The following PXDN variants were observed in gnomAD, a reference collection of about 807,000 sequenced individuals.
PXDN encodes peroxidasin homolog.
PXDN carries 77 observed loss-of-function variants against 140.3 expected under a neutral mutation model. That is an observed-to-expected ratio of 0.55 (90% CI 0.46 to 0.66). The LOEUF is 0.66. Among genes scored for constraint, PXDN ranks in the 30% least tolerant of loss-of-function variants. The pLI, the probability that PXDN is intolerant of heterozygous loss-of-function variation, is 0.00. For missense variants in PXDN, 1,838 were observed against 2,039.5 expected (o/e 0.90, Z 1.90); for synonymous variants, 911 against 857.4 (o/e 1.06, Z -1.09).
At chr2:1,658,065 T>TTC (rs1683201070) in intron 14 of PXDN, among the ~76,000 whole-genome samples, 2 of 82,366 alleles carry the variant, frequency 2.4e-5, no homozygotes, top group Non-Finnish European at 5.3e-5. Flanking sequence ...TCTCTCTCTC[T>TTC]CTCTCTCTCT....
At chr2:1,717,882 A>C (rs1167142054) in intron 1 of PXDN, among the ~76,000 whole-genome samples, 1 of 148,868 alleles carries the variant, frequency 6.7e-6, no homozygotes, top group Non-Finnish European at 1.5e-5. Flanking sequence ...CTAACCACCT[A>C]CCCAAACCTG....
intron 1 of PXDN, among the ~76,000 whole-genome samples, chr2:1,726,757 A>G (rs1431467803): frequency 6.6e-6 from 1 of 152,082 alleles, no homozygotes. Context: ...GTGCCTTTTC[A>G]TCTTGTTGAT....
Position 1,731,179 on chromosome 2 carries a change from CAT to C in PXDN, c.200+13075_200+13076del, listed in dbSNP as rs1403137942. On this transcript the variant is annotated intron_variant, in intron 1 of 22. Transcript: ENST00000252804. ...ACACACACACACACACACACACACA[CAT>C]GAACTAGTGAGAGGAAGTTTTAAGA... Among the ~76,000 whole-genome samples, 396 of 149,106 alleles carry C rather than the reference CAT, an allele frequency of 2.7e-3. 1 individual carries two copies. Among genetic ancestry groups the C allele is most frequent in the African/African-American group, 8.8e-3 (362 of 40,930 alleles).
chr2:1,693,560 C>T (rs1331857895), intron 1 of PXDN, among the ~76,000 whole-genome samples: 1 of 152,204 alleles, frequency 6.6e-6, no homozygotes, highest in Non-Finnish European at 1.5e-5. Flanking sequence ...TTAGGCTCTT[C>T]CTTAGTCAAC....
At chr2:1,729,219 T>A (rs1271270494) in intron 1 of PXDN, among the ~76,000 whole-genome samples, 1 of 152,122 alleles carries the variant, frequency 6.6e-6, no homozygotes, top group African/African-American at 2.4e-5. Context: ...ATCAAACCAT[T>A]TGCAGAAAAA....
intron 1 of PXDN, among the ~76,000 whole-genome samples, chr2:1,700,022 AT>A (rs925540574): frequency 6.6e-5 from 10 of 152,024 alleles, no homozygotes; most frequent in African/African-American, 1.9e-4. Flanking sequence ...TTCTCAATAT[AT>A]TTTTATTATG....
At position 1,644,630 on chromosome 2, in the gene PXDN, C is replaced by G; in HGVS notation, c.3731G>C (p.Arg1244Pro). 6.2e-7 allele frequency: 1 copy of G among 1,600,408 alleles called. No individual in the cohort carries two copies. The highest frequency in any genetic ancestry group is 8.5e-7 in the Non-Finnish European group (1 of 1,171,426). Residue 1244 changes from arginine (R) to proline (P), a missense_variant, in exon 18 of 23, where the codon CGA becomes CCA. Around this residue, in one of 5 missense-constraint regions of PXDN, gnomAD observed 850 missense variants for 894.1 expected, o/e 0.95. Transcript: ENST00000252804. ...CLLSTQFKRL[R>P]DGDRLWYENP... is the part of the protein sequence containing the mutation. Reference sequence around the variant, plus strand: ...TGCACGTGCTCACCTGTCCCCATCTCGCAGGCGCTTGAACTGTGTGCTGAG... The same window carrying G: ...TGCACGTGCTCACCTGTCCCCATCTGGCAGGCGCTTGAACTGTGTGCTGAG...
chr2:1,731,075 C>T (rs929761772), intron 1 of PXDN, among the ~76,000 whole-genome samples: 4 of 152,124 alleles, frequency 2.6e-5, no homozygotes, highest in African/African-American at 9.7e-5. Context: ...ATATCAACAT[C>T]ACAGACCTCT....
In PXDN at chr2:1,714,127, C is replaced by G. The variant is rs774109580; in HGVS notation, c.201-20993G>C. Among the ~76,000 whole-genome samples the G allele has an allele frequency of 1.3e-5, 2 of 152,232 alleles. No individual in the cohort carries two copies. The highest frequency in any genetic ancestry group is 1.3e-4 in the Admixed American group (2 of 15,284). ...CATCCGTCACCTTTGGTGACTTCCC[C>G]GCCACAACACCCATCCACATCCAGG... On this transcript the variant is annotated intron_variant, in intron 1 of 22. Transcript: ENST00000252804. This position sits in a 1 kb window ranked among gnomAD's most constrained non-coding sequence, Gnocchi z 4.3.
At chr2:1,726,870 G>A (rs1469567729) in intron 1 of PXDN, among the ~76,000 whole-genome samples, 1 of 152,052 alleles carries the variant, frequency 6.6e-6, no homozygotes. Flanking sequence ...TCTTAGCAAA[G>A]ACTTAACATA....
chr2:1,653,072 C>T lies in PXDN; in HGVS notation c.2104+556G>A, dbSNP rs144797148. 5.6e-4 allele frequency: 115 copies of T among 204,848 alleles called. No individual in the cohort carries two copies. The Middle Eastern group carries it at 9.9e-3, about 18-fold the overall frequency. The allele number at this position is 204,848 out of a possible 1,614,324, so 12.7% of individuals were successfully genotyped here. Reference sequence around the variant, plus strand: ...TAGTACTACTACCAGCAAGGACAATCGTGACATGTAAAGGCATCTGTTATT... The same window carrying T: ...TAGTACTACTACCAGCAAGGACAATTGTGACATGTAAAGGCATCTGTTATT... On this transcript the variant is annotated intron_variant, in intron 16 of 22. Coordinates refer to ENST00000252804, the MANE Select transcript of PXDN (RefSeq NM_012293.3).
chr2:1,635,597 T>A, intron 21 of PXDN, 76 bp from the exon 22 acceptor site: 2 of 1,073,946 alleles, frequency 1.9e-6, no homozygotes, highest in Non-Finnish European at 2.8e-6. Flanking sequence ...AAAGATGTTA[T>A]TTCACTGAAA....
chr2:1,720,866 G>A (rs995948077), intron 1 of PXDN, among the ~76,000 whole-genome samples: 9 of 152,112 alleles, frequency 5.9e-5, no homozygotes, highest in African/African-American at 1.9e-4. Context: ...GACCTGGGTG[G>A]GCGCCTGACC....
At chr2:1,644,588 C>G (rs755727983) in intron 18 of PXDN, 30 bp downstream of exon 18, 1 of 1,560,508 alleles carries the variant, frequency 6.4e-7, no homozygotes, top group Non-Finnish European at 8.7e-7. Context: ...GGCTTAGGAG[C>G]GTGCTCCCCT....
At position 1,635,426 on chromosome 2, in the gene PXDN, G is replaced by A; in HGVS notation, c.4302C>T (p.Cys1434=). ...TACTCACTTTGCATTCACAAATGGT[G>A]CATGCATCTTTTTTCCACTTGGTGT... is the stretch of plus-strand genomic sequence containing the variant. ...ANNTKWKKDA[C]TICECKDGQV... Residue 1434 remains cysteine (C), a synonymous_variant, in exon 22 of 23, where the codon TGC becomes TGT. Transcript: ENST00000252804. 6.3e-7 allele frequency: 1 copy of A among 1,592,706 alleles called. No individual in the cohort carries two copies. The highest frequency in any genetic ancestry group is 8.6e-7 in the Non-Finnish European group (1 of 1,168,360).
chr2:1,742,002 C>T (rs1572209543), intron 1 of PXDN, among the ~76,000 whole-genome samples: 1 of 152,180 alleles, frequency 6.6e-6, no homozygotes, highest in South Asian at 2.1e-4. Flanking sequence ...CACTCACTAG[C>T]GCTCGCTCAT....
rs1682440541 is a variant in PXDN at position 1,632,664 on chromosome 2, C to T, written c.*1540G>A. On this transcript the variant is annotated 3_prime_UTR_variant, in exon 23 of 23. Coordinates refer to ENST00000252804, the MANE Select transcript of PXDN (RefSeq NM_012293.3). The surrounding 1 kb of genome is among the most constrained non-coding windows in gnomAD (Gnocchi z 4.3). ...TCCTTGGGAGGATGTGCACCTGGAACACGGGTTGTGCACAAATCACACCAG... is the reference window on the plus strand; with the variant it reads ...TCCTTGGGAGGATGTGCACCTGGAATACGGGTTGTGCACAAATCACACCAG... The T allele has an allele frequency of 6.6e-6, 1 of 152,216 alleles. No homozygotes were observed. The highest frequency in any genetic ancestry group is 6.5e-5 in the Admixed American group (1 of 15,280). 9.4% of individuals were successfully genotyped at this position (152,216 alleles called of 1,614,324 possible).
rs1684019760 is a variant in PXDN, at chr2:1,685,141, C to T, written c.417-990G>A. 6.6e-6 allele frequency among the ~76,000 whole-genome samples: 1 copy of T among 152,252 alleles called. No individual in the cohort carries two copies. Among genetic ancestry groups the T allele is most frequent in the South Asian group, 2.1e-4 (1 of 4,834 alleles). ...TGCGGCTGCCAGGGCCCGCCCCGTC[C>T]CGGGGCCAGCTCCCCAGGCAGCACC... is the stretch of plus-strand genomic sequence containing the variant. On this transcript the variant is annotated intron_variant, in intron 4 of 22. Transcript: ENST00000252804. The surrounding 1 kb of genome is among the most constrained non-coding windows in gnomAD (Gnocchi z 5.1).
intron 17 of PXDN, among the ~76,000 whole-genome samples, chr2:1,647,017 C>T (rs1213845050): frequency 6.6e-6 from 1 of 152,108 alleles, no homozygotes; most frequent in African/African-American, 2.4e-5. Context: ...TGCTCAGCCT[C>T]CCGAGTAGCT....
Sources: allele counts gnomAD v4.1 joint callset (sites outside exome capture counted in the v4.1 genomes callset), GRCh38; gene constraint gnomAD v4.1.1; regional missense constraint gnomAD v4.1.1; non-coding constraint Gnocchi (gnomAD v3.1); transcripts MANE v1.5; gene names NCBI Gene and HGNC (gene_info 2026-07-23, HGNC 2026-07-21).